Variants in NMS observed in about 807,000 individuals in gnomAD.
NMS encodes neuromedin S, also known as neuromedin-S.
A neutral mutation model predicts 32.2 loss-of-function variants in NMS; 30 were observed. The observed-to-expected ratio is 0.93, with a 90% CI of 0.70 to 1.26. The LOEUF is 1.26. NMS is among the 50% of genes most tolerant of loss of function. The pLI, the probability that NMS is intolerant of heterozygous loss-of-function variation, is 0.00. For synonymous variants in NMS, 76 were observed against 58.5 expected (o/e 1.30, Z -1.37); for missense variants, 190 against 186.3 (o/e 1.02, Z -0.12).
intron 3 of NMS, among the ~76,000 whole-genome samples, 157 bp from the exon 4 acceptor site, chr2:100,477,087 C>T (rs954815478): frequency 6.6e-6 from 1 of 152,148 alleles, no homozygotes; most frequent in African/African-American, 2.4e-5. Context: ...ACTATAGACT[C>T]ATTAAATTTA....
At chr2:100,473,452 C>A (rs375948986) in intron 2 of NMS, 37 bp from the exon 3 acceptor site, 53 of 1,305,144 alleles carry the variant, frequency 4.1e-5, no homozygotes, top group East Asian at 7.5e-5. Context: ...TCATCCCCCT[C>A]ATCCCTTTGA....
At chr2:100,482,450 C>G in intron 9 of NMS, 139 bp downstream of exon 9, 1 of 775,884 alleles carries the variant, frequency 1.3e-6, no homozygotes, top group Admixed American at 2.3e-5. Flanking sequence ...CCCAGGAACT[C>G]TGCCCCTTCC....
chr2:100,478,435 T>C (rs951195950), intron 5 of NMS, among the ~76,000 whole-genome samples: 1 of 152,164 alleles, frequency 6.6e-6, no homozygotes, highest in African/African-American at 2.4e-5. Context: ...GATGTAGGAA[T>C]AGGGCTCAGG....
Position 100,470,519 on chromosome 2 carries a change from A to G in NMS, c.31A>G (p.Ile11Val). The part of the protein sequence containing the change: MKHLRPQFPL[I>V]LAIYCFCMLQ... ...ACATCTTCGTCCCCAGTTCCCTCTC[A>G]TCTTGGCCATCTACTGCTTCTGCAT... The change falls in exon 1 of 10, where the codon ATC becomes GTC. Residue 11 changes from isoleucine to valine, a missense_variant. Ile to Val is a conservative substitution (Grantham distance 29). Coordinates refer to ENST00000376865, the MANE Select transcript of NMS (RefSeq NM_001011717.1). 3 of 1,613,842 alleles carry G rather than the reference A, an allele frequency of 1.9e-6. No homozygotes were observed. The highest frequency in any genetic ancestry group is 2.5e-6 in the Non-Finnish European group (3 of 1,179,826).
At position 100,471,354 on chromosome 2, in the gene NMS, T is replaced by A. The variant is rs146866737; in HGVS notation, c.76+790T>A. On this transcript the variant is annotated intron_variant, in intron 1 of 9. Coordinates refer to ENST00000376865, the MANE Select transcript of NMS (RefSeq NM_001011717.1). Reference sequence around the variant, plus strand: ...GAGAAAACATATTTCAAACAATATGTTTGTTTGTCATGTCCTACAATGTAA... The same window carrying A: ...GAGAAAACATATTTCAAACAATATGATTGTTTGTCATGTCCTACAATGTAA... Among the ~76,000 whole-genome samples the A allele has an allele frequency of 5.0e-3, 763 of 152,284 alleles. 7 individuals carry two copies. Among genetic ancestry groups the A allele is most frequent in the African/African-American group, 0.018 (729 of 41,556 alleles).
chr2:100,479,457 T>G lies in NMS; in HGVS notation c.336+30T>G, dbSNP rs761135067. Reference sequence around the variant, plus strand: ...GTGCTTTTATTCTTCCACCATAGTTTATGCCCCTCACAGTTCATTGAATCG... The same window carrying G: ...GTGCTTTTATTCTTCCACCATAGTTGATGCCCCTCACAGTTCATTGAATCG... On this transcript the variant is annotated intron_variant, in intron 6 of 9. Transcript: ENST00000376865. The G allele has an allele frequency of 2.0e-5, 32 of 1,576,922 alleles. 1 individual carries two copies. In the African/African-American group the frequency reaches 3.6e-4, roughly 18 times the overall value.
At chr2:100,473,600 C>A in intron 3 of NMS, 61 bp downstream of exon 3, 2 of 552,720 alleles carry the variant, frequency 3.6e-6, no homozygotes, top group Non-Finnish European at 5.4e-6. Flanking sequence ...CAAACACACT[C>A]TTTTGCTACC....
At chr2:100,476,022 G>T (rs1306563748) in intron 3 of NMS, among the ~76,000 whole-genome samples, 1 of 140,982 alleles carries the variant, frequency 7.1e-6, no homozygotes, top group Non-Finnish European at 1.5e-5. Context: ...GAAAAGAAAA[G>T]AAAAGAAAAA....
In NMS at chr2:100,476,509, C is replaced by T. The variant is rs1031914734; in HGVS notation, c.184-735C>T. Among the ~76,000 whole-genome samples the T allele has an allele frequency of 2.6e-5, 4 of 152,282 alleles. No individual in the cohort carries two copies. The East Asian group carries it at 5.8e-4, about 22-fold the overall frequency. ...ATTATTATTAAAGTATTATTAACAA[C>T]TTTAATTTTTGTCTTGATTGAGGTT... On this transcript the variant is annotated intron_variant, in intron 3 of 9. Coordinates refer to ENST00000376865, the MANE Select transcript of NMS (RefSeq NM_001011717.1).
At chr2:100,473,924 T>A (rs1677052243) in intron 3 of NMS, among the ~76,000 whole-genome samples, 2 of 152,126 alleles carry the variant, frequency 1.3e-5, no homozygotes, top group Admixed American at 6.6e-5. Flanking sequence ...ACACCTGTAA[T>A]CCCAGCACTT....
At chr2:100,474,047 G>A (rs553605424) in intron 3 of NMS, among the ~76,000 whole-genome samples, 42 of 152,068 alleles carry the variant, frequency 2.8e-4, no homozygotes, top group African/African-American at 8.2e-4. Flanking sequence ...GCAAGGTGGC[G>A]CATACCTGTA....
At chr2:100,474,216 T>A (rs1355478974) in intron 3 of NMS, among the ~76,000 whole-genome samples, 3 of 152,104 alleles carry the variant, frequency 2.0e-5, no homozygotes, top group Non-Finnish European at 1.5e-5. Flanking sequence ...CACACAAATA[T>A]TTCAATGGAT....
chr2:100,470,771 C>T (rs1411253776), intron 1 of NMS, among the ~76,000 whole-genome samples: 4 of 152,224 alleles, frequency 2.6e-5, no homozygotes, highest in Non-Finnish European at 5.9e-5. Context: ...AGACTTTTCC[C>T]TGTGGGACTG....
chr2:100,477,107 T>G, intron 3 of NMS, 137 bp from the exon 4 acceptor site: 1 of 699,146 alleles, frequency 1.4e-6, no homozygotes. Flanking sequence ...ACGTAATAAT[T>G]TCTTTTTAGA....
At chr2:100,474,436 T>G (rs930417206) in intron 3 of NMS, among the ~76,000 whole-genome samples, 11 of 152,190 alleles carry the variant, frequency 7.2e-5, no homozygotes, top group Admixed American at 2.6e-4. Flanking sequence ...CCTTGCACAA[T>G]CTTTTCCTTA....
intron 1 of NMS, among the ~76,000 whole-genome samples, chr2:100,472,267 G>A (rs559461506): frequency 6.7e-6 from 1 of 149,430 alleles, no homozygotes; most frequent in South Asian, 2.1e-4. Context: ...AGTGAGAAGA[G>A]GAGTTCATTG....
chr2:100,476,050 A>G (rs942176393), intron 3 of NMS, among the ~76,000 whole-genome samples: 2 of 151,874 alleles, frequency 1.3e-5, no homozygotes, highest in Admixed American at 6.6e-5. Context: ...TAAGGGGCAT[A>G]TGAAACGTTG....
At position 100,472,790 on chromosome 2, in the gene NMS, A is replaced by G. The variant is rs767655378; in HGVS notation, c.77-5A>G. On this transcript the variant is annotated splice_polypyrimidine_tract_variant and splice_region_variant and intron_variant, in intron 1 of 9. Transcript: ENST00000376865. ...AATTAATAATTTTATGATTTCTCAC[A>G]ATAGGATTTCCTCAACCTTTAGCTG... 4 of 1,596,236 alleles carry G rather than the reference A, an allele frequency of 2.5e-6. No individual in the cohort carries two copies. The highest frequency in any genetic ancestry group is 3.4e-6 in the Non-Finnish European group (4 of 1,164,740).
At chr2:100,472,069 C>T (rs886419313) in intron 1 of NMS, among the ~76,000 whole-genome samples, 22 of 152,160 alleles carry the variant, frequency 1.4e-4, no homozygotes, top group African/African-American at 4.8e-4. Flanking sequence ...AAATACCATA[C>T]AATTTTCTTT....
Sources: gnomAD v4.1 joint callset for allele counts (sites outside exome capture counted in the v4.1 genomes callset) on GRCh38, gnomAD v4.1.1 for gene constraint, MANE v1.5 for transcripts, NCBI Gene and HGNC (gene_info 2026-07-23, HGNC 2026-07-21) for gene names.